The following PLPP3 variants were observed in gnomAD, a reference collection of about 807,000 sequenced individuals.
PLPP3 encodes PAP2 beta.
In PLPP3, 6 loss-of-function variants were observed where a neutral mutation model predicts 29.6. That is an observed-to-expected ratio of 0.20 (90% confidence interval 0.11 to 0.40). PLPP3 has a LOEUF of 0.40. Ranked by LOEUF, PLPP3 falls within the 10% of genes least tolerant of loss-of-function variation. PLPP3 has a pLI of 1.00. For synonymous variants in PLPP3, 152 were observed against 159.7 expected (o/e 0.95, Z 0.36); for missense variants, 308 against 407.7 (o/e 0.76, Z 2.11).
chr1:56,563,195 T>C (rs972481594), intron 1 of PLPP3, among the ~76,000 whole-genome samples: 1 of 152,202 alleles, frequency 6.6e-6, no homozygotes, highest in African/African-American at 2.4e-5. Flanking sequence ...CAAAGCTTCA[T>C]GCCAACTCTG....
chr1:56,503,416 C>T (rs992992503), intron 5 of PLPP3, among the ~76,000 whole-genome samples: 3 of 152,122 alleles, frequency 2.0e-5, no homozygotes, highest in African/African-American at 7.2e-5. Context: ...CGGCTGGCCG[C>T]GGTGGCTCAC....
intron 1 of PLPP3, among the ~76,000 whole-genome samples, chr1:56,574,530 C>T (rs894822829): frequency 2.0e-5 from 3 of 152,174 alleles, no homozygotes; most frequent in Admixed American, 2.0e-4. Flanking sequence ...GCTGGGATTA[C>T]AGGAGTAAGC....
intron 4 of PLPP3, among the ~76,000 whole-genome samples, chr1:56,517,886 T>C (rs1358241544): frequency 6.6e-6 from 1 of 152,334 alleles, no homozygotes; most frequent in Middle Eastern, 3.4e-3. Context: ...TACAGTGGAA[T>C]AATCTCTGAC....
chr1:56,571,358 T>C (rs1227136331), intron 1 of PLPP3, among the ~76,000 whole-genome samples: 2 of 152,190 alleles, frequency 1.3e-5, no homozygotes, highest in Admixed American at 6.5e-5. Flanking sequence ...AATGAGGATT[T>C]ATGAGGCATC....
At position 56,523,815 on chromosome 1, in the gene PLPP3, G is replaced by C. The variant is rs758002198; in HGVS notation, c.633+8C>G. The C allele has an allele frequency of 6.2e-7, 1 of 1,612,282 alleles. No individual in the cohort carries two copies. The highest frequency in any genetic ancestry group is 1.3e-5 in the African/African-American group (1 of 74,854). On this transcript the variant is annotated splice_region_variant and intron_variant, in intron 4 of 5. Transcript: ENST00000371250. Reference sequence around the variant, plus strand: ...GAGCACTGCTCAAATCAAAGGGTGGGTACTTACCACCAAATACAGCATAGT... The same window carrying C: ...GAGCACTGCTCAAATCAAAGGGTGGCTACTTACCACCAAATACAGCATAGT...
At chr1:56,526,812 A>G (rs1403613439) in intron 2 of PLPP3, among the ~76,000 whole-genome samples, 1 of 152,196 alleles carries the variant, frequency 6.6e-6, no homozygotes, top group Admixed American at 6.5e-5. Flanking sequence ...CACAGGTAAT[A>G]AGCAATGGCA....
intron 1 of PLPP3, among the ~76,000 whole-genome samples, chr1:56,572,045 T>TTTA (rs1553140700): frequency 2.8e-4 from 35 of 125,948 alleles, no homozygotes; most frequent in Non-Finnish European, 4.8e-4. Context: ...CATTTCTGGT[T>TTTA]TTTTTTTTTT....
At chr1:56,522,215 G>C (rs911147389) in intron 4 of PLPP3, among the ~76,000 whole-genome samples, 7 of 152,218 alleles carry the variant, frequency 4.6e-5, no homozygotes, top group African/African-American at 1.7e-4. Context: ...AAATGTCACA[G>C]AGTAAGTAGA....
chr1:56,579,023 G>A lies in PLPP3; in HGVS notation c.-7C>T, dbSNP rs775438043. 13 of 1,588,554 alleles carry A rather than the reference G, an allele frequency of 8.2e-6. No homozygotes were observed. In the Admixed American group the frequency reaches 2.2e-4, roughly 27 times the overall value. On this transcript the variant is annotated 5_prime_UTR_variant, in exon 1 of 6. Transcript: ENST00000371250. ...CGTACTTGTAGTTTTGCATGGCGCTGGCTGCGGCGCGAGCCTCCCGCCCCG... is the reference window on the plus strand; with the variant it reads ...CGTACTTGTAGTTTTGCATGGCGCTAGCTGCGGCGCGAGCCTCCCGCCCCG...
rs566663674 is a variant in PLPP3, at chr1:56,551,882, A to G, written c.140-14770T>C. On this transcript the variant is annotated intron_variant, in intron 1 of 5. Transcript: ENST00000371250. ...CTGGGTTTTTCTGTGTGTGGTTTAT[A>G]ATAACATGCAAACCTGATGCCAAGT... Among the ~76,000 whole-genome samples, 3 of 152,284 alleles carry G rather than the reference A, an allele frequency of 2.0e-5. No individual in the cohort carries two copies. The South Asian group carries it at 6.2e-4, about 32-fold the overall frequency.
chr1:56,537,986 C>A (rs1645939553), intron 1 of PLPP3, among the ~76,000 whole-genome samples: 1 of 152,142 alleles, frequency 6.6e-6, no homozygotes, highest in Non-Finnish European at 1.5e-5. Context: ...AAAGCAAAGG[C>A]CCATGATAAC....
At chr1:56,534,342 GA>G (rs1645909409) in intron 2 of PLPP3, among the ~76,000 whole-genome samples, 1 of 152,150 alleles carries the variant, frequency 6.6e-6, no homozygotes, top group Non-Finnish European at 1.5e-5. Context: ...TCCTGCCATT[GA>G]AAGGTGTCTG....
At chr1:56,521,897 A>T (rs1271241611) in intron 4 of PLPP3, among the ~76,000 whole-genome samples, 2 of 152,160 alleles carry the variant, frequency 1.3e-5, no homozygotes, top group African/African-American at 4.8e-5. Context: ...TAAGGAGGTA[A>T]TTGGAGTTGG....
At chr1:56,569,116 C>G (rs1254829444) in intron 1 of PLPP3, among the ~76,000 whole-genome samples, 1 of 152,082 alleles carries the variant, frequency 6.6e-6, no homozygotes, top group African/African-American at 2.4e-5. Context: ...TATGTTCATT[C>G]CAAAGGTCTT....
rs774820793 is a variant in PLPP3, at chr1:56,524,602, C to T, written c.298-48G>A. On this transcript the variant is annotated intron_variant, in intron 2 of 5. Transcript: ENST00000371250. This position sits in a 1 kb window ranked among gnomAD's most constrained non-coding sequence, Gnocchi z 4.3. ...ATTAGGCAGTATCAAGATTCATCAT[C>T]AACACTGATGCCGTAACGGATATTC... The T allele has an allele frequency of 6.4e-7, 1 of 1,569,886 alleles. No homozygotes were observed. Among genetic ancestry groups the T allele is most frequent in the Non-Finnish European group, 8.7e-7 (1 of 1,145,246 alleles).
At position 56,524,547 on chromosome 1, in the gene PLPP3, G is replaced by A. The variant is rs142369156; in HGVS notation, c.305C>T (p.Thr102Met). 6.8e-5 allele frequency: 109 copies of A among 1,608,080 alleles called. No homozygotes were observed. The East Asian group carries it at 8.1e-4, about 12-fold the overall frequency. ...GTAATAGATCCGGTAGAATTCCCCC[G>A]TGATGATCTAAAAGGAATCCAACAG... ...GIVIAILAII[T>M]GEFYRIYYLK... The change falls in exon 3 of 6, where the codon ACG becomes ATG. Residue 102 changes from threonine to methionine, a missense_variant. This residue lies in a region of PLPP3 where 232 missense variants were observed against 317.2 expected (regional missense o/e 0.73). Coordinates refer to ENST00000371250, the MANE Select transcript of PLPP3 (RefSeq NM_003713.5). The surrounding 1 kb of genome is among the most constrained non-coding windows in gnomAD (Gnocchi z 4.3).
At chr1:56,505,283 A>C (rs1645694580) in intron 5 of PLPP3, among the ~76,000 whole-genome samples, 1 of 152,216 alleles carries the variant, frequency 6.6e-6, no homozygotes, top group African/African-American at 2.4e-5. Context: ...TTATCATCCC[A>C]ACCTCATGGG....
intron 5 of PLPP3, among the ~76,000 whole-genome samples, chr1:56,504,516 C>T (rs1294389854): frequency 1.3e-5 from 2 of 152,100 alleles, no homozygotes; most frequent in Non-Finnish European, 2.9e-5. Flanking sequence ...CAGGGGACCC[C>T]ATTCCCAGAA....
At chr1:56,520,027 C>T (rs1309990094) in intron 4 of PLPP3, among the ~76,000 whole-genome samples, 1 of 152,142 alleles carries the variant, frequency 6.6e-6, no homozygotes. Flanking sequence ...GATGGCTCCC[C>T]ATCTTCCTTT....
Sources: allele counts gnomAD v4.1 joint callset (sites outside exome capture counted in the v4.1 genomes callset), GRCh38; gene constraint gnomAD v4.1.1; regional missense constraint gnomAD v4.1.1; non-coding constraint Gnocchi (gnomAD v3.1); transcripts MANE v1.5; gene names NCBI Gene and HGNC (gene_info 2026-07-23, HGNC 2026-07-21).